Variants in NDE1 observed in about 807,000 individuals in gnomAD.
The protein encoded by NDE1 is nudE neurodevelopment protein 1, also known as nuclear distribution protein nudE homolog 1.
NDE1 carries 28 observed loss-of-function variants against 43.4 expected under a neutral mutation model. The ratio of observed to expected loss-of-function variants is 0.65; its 90% confidence interval spans 0.48 to 0.89. The LOEUF is 0.89. Ranked by LOEUF, NDE1 falls within the 40% of genes least tolerant of loss-of-function variation. The probability of loss-of-function intolerance (pLI) is 0.00; values close to 1 mark genes in which losing one functional copy is unlikely to be tolerated. For missense variants in NDE1, 441 were observed against 434.1 expected, an observed-to-expected ratio of 1.02 and a Z score of -0.14; for synonymous variants, 184 against 172.0, an observed-to-expected ratio of 1.07 and a Z score of -0.55.
At chr16:15,714,470 G>T in intron 8 of NDE1, 2 of 231,994 alleles carry the variant, frequency 8.6e-6, no homozygotes, top group South Asian at 1.4e-4. Context: ...CCCCATACCC[G>T]AGAATAATGC....
chr16:15,712,463 C>T (rs2039858446), intron 8 of NDE1, among the ~76,000 whole-genome samples: 1 of 152,106 alleles, frequency 6.6e-6, no homozygotes, highest in African/African-American at 2.4e-5. Flanking sequence ...GCCTGGGCAA[C>T]ATGGTGCAAC....
Position 15,724,891 on chromosome 16 carries a change from G to A in NDE1, c.*640G>A, listed in dbSNP as rs1447957315. The stretch of plus-strand genomic sequence containing the variant: ...GATGATGTGGCAGGACACTCACCTG[G>A]GTGTCCTGGAGCTGGGAACTGAGGG... On this transcript the variant is annotated 3_prime_UTR_variant, in exon 9 of 9. Coordinates refer to ENST00000396354, the MANE Select transcript of NDE1 (RefSeq NM_017668.3). 3.1e-6 allele frequency: 5 copies of A among 1,613,882 alleles called. No homozygotes were observed. The highest frequency in any genetic ancestry group is 3.4e-6 in the Non-Finnish European group (4 of 1,179,964).
chr16:15,695,515 A>G (rs1223462891), intron 7 of NDE1: 2 of 969,230 alleles, frequency 2.1e-6, no homozygotes, highest in African/African-American at 1.9e-5. Flanking sequence ...AAAAAAAAAA[A>G]TCTTGAAAGC....
At chr16:15,682,725 T>TTTTA (rs1228716134) in intron 4 of NDE1, among the ~76,000 whole-genome samples, 12 of 152,272 alleles carry the variant, frequency 7.9e-5, no homozygotes, top group African/African-American at 2.6e-4. Context: ...TTTCATTTTA[T>TTTTA]TTTATTTATT....
rs998434888 is a variant in NDE1 at position 15,691,455 on chromosome 16, A to G, written c.703+132A>G. On this transcript the variant is annotated intron_variant, in intron 6 of 8. Coordinates refer to ENST00000396354, the MANE Select transcript of NDE1 (RefSeq NM_017668.3). ...TGATTTGCTCTCAGGCTTTGAGCAG[A>G]GAGTAGACTGGGATGTTCTTGGGGA... is the stretch of plus-strand genomic sequence containing the variant. The G allele has an allele frequency of 3.8e-6, 4 of 1,042,484 alleles. No individual in the cohort carries two copies. In the African/African-American group the frequency reaches 6.4e-5, roughly 17 times the overall value. The allele number at this position is 1,042,484 out of a possible 1,614,324, so 64.6% of individuals were successfully genotyped here. A position where few individuals can be genotyped will look rare whatever the true frequency, so the allele number is the denominator to read the frequency against.
chr16:15,652,002 G>A (rs1211192149), intron 1 of NDE1: 1 of 151,814 alleles, frequency 6.6e-6, no homozygotes, highest in African/African-American at 2.4e-5. Flanking sequence ...CAGTCCTCCG[G>A]GTTCAAGTGA....
intron 8 of NDE1, among the ~76,000 whole-genome samples, chr16:15,709,960 T>C (rs986363061): frequency 1.3e-5 from 2 of 152,146 alleles, no homozygotes; most frequent in African/African-American, 4.8e-5. Context: ...GTCTGGCTGA[T>C]AGAACTTGGT....
chr16:15,662,182 T>C (rs1216329352), intron 1 of NDE1, among the ~76,000 whole-genome samples: 1 of 151,912 alleles, frequency 6.6e-6, no homozygotes. Context: ...CAAGTGGTCC[T>C]CTTGCCTTGG....
upstream of NDE1, among the ~76,000 whole-genome samples, chr16:15,646,752 T>G (rs1596531875): frequency 6.8e-6 from 1 of 146,040 alleles, no homozygotes; most frequent in Non-Finnish European, 1.5e-5. Context: ...AAATAAGTAA[T>G]AAAATTCCTA....
chr16:15,687,059 G>T (rs2151100625), intron 4 of NDE1: 1 of 1,232,132 alleles, frequency 8.1e-7, no homozygotes, highest in African/African-American at 1.5e-5. Context: ...GGAGCATAGT[G>T]GTCTTCTCAA....
chr16:15,676,073 C>CT (rs2037855364), intron 3 of NDE1, among the ~76,000 whole-genome samples: 1 of 151,916 alleles, frequency 6.6e-6, no homozygotes, highest in Admixed American at 6.6e-5. Context: ...TGGACTGTTC[C>CT]TTTGGTAATT....
At chr16:15,686,697 T>C (rs2038455879) in intron 4 of NDE1, 1 of 286,936 alleles carries the variant, frequency 3.5e-6, no homozygotes, top group South Asian at 1.4e-4. Flanking sequence ...CATGTTGTTA[T>C]ATGTGTTTAT....
chr16:15,721,392 G>A, intron 8 of NDE1: 1 of 1,610,562 alleles, frequency 6.2e-7, no homozygotes, highest in South Asian at 1.1e-5. Context: ...GGCGAAACAT[G>A]GACGAGAAAA....
Position 15,687,366 on chromosome 16 carries a change from C to A in NDE1, c.387-9C>A. The A allele has an allele frequency of 6.2e-7, 1 of 1,614,076 alleles. No individual in the cohort carries two copies. Among genetic ancestry groups the A allele is most frequent in the African/African-American group, 1.3e-5 (1 of 75,046 alleles). ...TCCTCTTGGATAACTCTGCTTTTCT[C>A]TTCGCCAGCGCCACGATCATGTCTC... On this transcript the variant is annotated splice_polypyrimidine_tract_variant and intron_variant, in intron 4 of 8. Transcript: ENST00000396354.
chr16:15,689,425 A>G (rs760854379), intron 5 of NDE1, among the ~76,000 whole-genome samples: 2 of 152,080 alleles, frequency 1.3e-5, no homozygotes, highest in Non-Finnish European at 2.9e-5. Context: ...CCAGGAGTTC[A>G]AGGTTACATT....
intron 8 of NDE1, among the ~76,000 whole-genome samples, chr16:15,706,281 T>C (rs1198078584): frequency 6.6e-6 from 1 of 152,148 alleles, no homozygotes; most frequent in Non-Finnish European, 1.5e-5. Flanking sequence ...TCTTTTTCTT[T>C]TTTAGCACTG....
In NDE1 at chr16:15,659,926, T is replaced by G. The variant is rs187878930; in HGVS notation, c.-43-4810T>G. On this transcript the variant is annotated intron_variant, in intron 1 of 8. Coordinates refer to ENST00000396354, the MANE Select transcript of NDE1 (RefSeq NM_017668.3). ...ACTGCGCCCGCCTAATTTTTGTATT[T>G]TTAGTAGAGATGGGGTTTCACCATA... Among the ~76,000 whole-genome samples, 34 of 151,766 alleles carry G rather than the reference T, an allele frequency of 2.2e-4. No homozygotes were observed. The East Asian group carries it at 4.9e-3, about 22-fold the overall frequency.
chr16:15,647,711 T>C (rs1018670419), upstream of NDE1, among the ~76,000 whole-genome samples: 9 of 152,168 alleles, frequency 5.9e-5, no homozygotes, highest in African/African-American at 1.9e-4. Context: ...TTCACTGTGC[T>C]GTAAGGGTGC....
chr16:15,655,799 A>G (rs903579633), intron 1 of NDE1, among the ~76,000 whole-genome samples: 4 of 152,038 alleles, frequency 2.6e-5, no homozygotes, highest in Non-Finnish European at 5.9e-5. Context: ...CTATGCAGCC[A>G]TAAAAAATGA....
Sources: allele counts gnomAD v4.1 joint callset (sites outside exome capture counted in the v4.1 genomes callset), GRCh38; gene constraint gnomAD v4.1.1; transcripts MANE v1.5; gene names NCBI Gene and HGNC (gene_info 2026-07-23, HGNC 2026-07-21).